CACNA1E: variants seen among roughly 807,000 people sequenced by gnomAD.
CACNA1E encodes the protein calcium voltage-gated channel subunit alpha1 E.
CACNA1E carries 40 observed loss-of-function variants against 259.2 expected under a neutral mutation model. The observed-to-expected ratio is 0.15, with a 90% CI of 0.12 to 0.20. CACNA1E has a LOEUF of 0.20. CACNA1E is among the 10% of genes least tolerant of loss of function. The pLI is 1.00. For synonymous variants in CACNA1E, 1,104 were observed against 1,138.5 expected, an observed-to-expected ratio of 0.97 and a Z score of 0.61; for missense variants, 1,874 against 3,040.1, an observed-to-expected ratio of 0.62 and a Z score of 9.02.
chr1:181,531,390 C>T (rs1667770365), intron 3 of CACNA1E, among the ~76,000 whole-genome samples: 1 of 152,174 alleles, frequency 6.6e-6, no homozygotes, highest in Admixed American at 6.5e-5. Flanking sequence ...GTGTTATTCT[C>T]GTGGCCCTCT....
At chr1:181,527,567 T>C (rs982690474) in intron 3 of CACNA1E, among the ~76,000 whole-genome samples, 4 of 152,250 alleles carry the variant, frequency 2.6e-5, no homozygotes, top group Non-Finnish European at 4.4e-5. Flanking sequence ...AGTAGGGCTA[T>C]ATCTTTAAGG....
intron 1 of CACNA1E, among the ~76,000 whole-genome samples, chr1:181,381,543 T>C (rs1411879983): frequency 6.6e-6 from 1 of 152,156 alleles, no homozygotes; most frequent in African/African-American, 2.4e-5. Context: ...AAGGGATACA[T>C]ACAAAGAAGT....
intron 1 of CACNA1E, among the ~76,000 whole-genome samples, chr1:181,321,206 G>A (rs1311767803): frequency 6.6e-6 from 1 of 152,142 alleles, no homozygotes; most frequent in African/African-American, 2.4e-5. Context: ...CCTCTCACTA[G>A]GTCCCCAACT....
intron 2 of CACNA1E, among the ~76,000 whole-genome samples, chr1:181,454,430 A>G (rs1661334822): frequency 6.6e-6 from 1 of 152,232 alleles, no homozygotes; most frequent in Admixed American, 6.5e-5. Flanking sequence ...TGTATTTAGT[A>G]GAAGAGACAG....
intron 3 of CACNA1E, among the ~76,000 whole-genome samples, chr1:181,518,143 T>C (rs1572082572): frequency 6.6e-6 from 1 of 152,096 alleles, no homozygotes; most frequent in African/African-American, 2.4e-5. Flanking sequence ...AAACCGAGGC[T>C]GAGTGGAGCA....
At chr1:181,563,123 T>G (rs556689997) in intron 3 of CACNA1E, among the ~76,000 whole-genome samples, 1 of 152,206 alleles carries the variant, frequency 6.6e-6, no homozygotes, top group Non-Finnish European at 1.5e-5. Context: ...AGACAGCTGA[T>G]ATTTTATAAA....
intron 2 of CACNA1E, among the ~76,000 whole-genome samples, chr1:181,463,934 A>G (rs1393682280): frequency 1.3e-5 from 2 of 152,142 alleles, no homozygotes; most frequent in East Asian, 1.9e-4. Flanking sequence ...ACAGTTTTGC[A>G]TATCACATTT....
intron 7 of CACNA1E, among the ~76,000 whole-genome samples, chr1:181,686,848 T>C (rs915822588): frequency 2.0e-5 from 3 of 152,134 alleles, no homozygotes; most frequent in African/African-American, 4.8e-5. Flanking sequence ...GAAAACAGGC[T>C]TGTGGGTGAG....
rs66526388 is a variant in CACNA1E at position 181,686,275 on chromosome 1, G to GTTTTTTTTTTTTTTT, written c.1056-24665_1056-24651dup. ...AGGCTTGGAGGCCAGTAAGAACCAA[G>GTTTTTTTTTTTTTTT]TTTTTTTTTTTTTTTTTTTTTTTTT... On this transcript the variant is annotated intron_variant, in intron 7 of 47. Transcript: ENST00000367573. Among the ~76,000 whole-genome samples the GTTTTTTTTTTTTTTT allele has an allele frequency of 5.3e-4, 31 of 58,670 alleles. 2 individuals are homozygous for GTTTTTTTTTTTTTTT. Among genetic ancestry groups the GTTTTTTTTTTTTTTT allele is most frequent in the South Asian group, 8.4e-4 (1 of 1,194 alleles). 38.5% of individuals were successfully genotyped at this position (58,670 alleles called of 152,430 possible).
intron 6 of CACNA1E, among the ~76,000 whole-genome samples, chr1:181,599,461 A>C (rs1290671132): frequency 6.6e-6 from 1 of 152,194 alleles, no homozygotes; most frequent in African/African-American, 2.4e-5. Flanking sequence ...ACTTCCTTAG[A>C]GAGCACTCTC....
Position 181,611,288 on chromosome 1 carries a change from C to T in CACNA1E, c.951+30512C>T, listed in dbSNP as rs779959077. ...TCCCCATTGATTCCTTCATTCATTTCGTCAACTGATCTTTATTGCATGCTG... is the reference window on the plus strand; with the variant it reads ...TCCCCATTGATTCCTTCATTCATTTTGTCAACTGATCTTTATTGCATGCTG... On this transcript the variant is annotated intron_variant, in intron 6 of 47. Transcript: ENST00000367573. 7.5e-4 allele frequency among the ~76,000 whole-genome samples: 114 copies of T among 152,284 alleles called. 2 individuals carry two copies. Among genetic ancestry groups the T allele is most frequent in the Middle Eastern group, 3.4e-3 (1 of 292 alleles).
At chr1:181,374,462 GAAA>G (rs5779098) in intron 1 of CACNA1E, among the ~76,000 whole-genome samples, 6 of 149,518 alleles carry the variant, frequency 4.0e-5, no homozygotes, top group Non-Finnish European at 7.4e-5. Context: ...TATCCCAAAA[GAAA>G]AAAAAAATTT....
chr1:181,610,645 T>C (rs559291134), intron 6 of CACNA1E, among the ~76,000 whole-genome samples: 3 of 152,322 alleles, frequency 2.0e-5, no homozygotes, highest in Admixed American at 2.0e-4. Context: ...TGCAGAGACA[T>C]GTACTTACTC....
At chr1:181,645,869 G>T (rs1051505615) in intron 6 of CACNA1E, among the ~76,000 whole-genome samples, 29 of 152,226 alleles carry the variant, frequency 1.9e-4, no homozygotes, top group African/African-American at 7.0e-4. Context: ...TCAGCTCCAA[G>T]ACATGGAATC....
chr1:181,365,707 C>A (rs1421858610), intron 1 of CACNA1E, among the ~76,000 whole-genome samples: 1 of 152,218 alleles, frequency 6.6e-6, no homozygotes, highest in Admixed American at 6.5e-5. Flanking sequence ...GTTCAAGGAG[C>A]TGTATTTGCT....
At chr1:181,773,339 G>A (rs760756843) in intron 37 of CACNA1E, among the ~76,000 whole-genome samples, 1 of 152,088 alleles carries the variant, frequency 6.6e-6, no homozygotes, top group Non-Finnish European at 1.5e-5. Context: ...CTGCTAGCCT[G>A]GGCCAAGACA....
chr1:181,765,631 T>G (rs550631851), intron 34 of CACNA1E, among the ~76,000 whole-genome samples: 1 of 152,356 alleles, frequency 6.6e-6, no homozygotes, highest in African/African-American at 2.4e-5. Context: ...AAGCCTCAAT[T>G]GATCTCCTGG....
intron 7 of CACNA1E, among the ~76,000 whole-genome samples, chr1:181,657,597 A>T (rs1659309144): frequency 6.6e-6 from 1 of 152,212 alleles, no homozygotes; most frequent in South Asian, 2.1e-4. Flanking sequence ...TAAAGTAAAA[A>T]TATTGCACAC....
chr1:181,570,910 C>A (rs1650343775), intron 3 of CACNA1E, among the ~76,000 whole-genome samples: 1 of 152,202 alleles, frequency 6.6e-6, no homozygotes, highest in Non-Finnish European at 1.5e-5. Flanking sequence ...ATATCCCTGC[C>A]CCAACAAGGT....
Sources: allele counts gnomAD v4.1 joint callset (sites outside exome capture counted in the v4.1 genomes callset), GRCh38; gene constraint gnomAD v4.1.1; transcripts MANE v1.5; gene names NCBI Gene and HGNC (gene_info 2026-07-23, HGNC 2026-07-21).